The following SLC22A15 variants were observed in gnomAD, a reference collection of about 807,000 sequenced individuals.
SLC22A15 encodes solute carrier family 22 member 15.
Under a neutral mutation model 62.7 loss-of-function variants are expected in SLC22A15, and 45 were observed. The observed-to-expected ratio is 0.72, with a 90% CI of 0.56 to 0.92. The LOEUF (loss-of-function observed/expected upper bound fraction) is 0.92, where lower values mean the gene tolerates loss of function less well. Ranked by LOEUF, SLC22A15 falls within the 40% of genes least tolerant of loss-of-function variation. The pLI, the probability that SLC22A15 is intolerant of heterozygous loss-of-function variation, is 0.00. For missense variants in SLC22A15, 622 were observed against 665.6 expected (o/e 0.93, Z 0.72); for synonymous variants, 264 against 267.0 (o/e 0.99, Z 0.11).
intron 3 of SLC22A15, among the ~76,000 whole-genome samples, chr1:116,020,241 G>A (rs1656749100): frequency 7.1e-6 from 1 of 140,172 alleles, no homozygotes; most frequent in Non-Finnish European, 1.6e-5. Context: ...TCCAAGAGAA[G>A]CTGTTAAAAA....
At chr1:116,019,948 C>T (rs1331155216) in intron 3 of SLC22A15, among the ~76,000 whole-genome samples, 1 of 152,150 alleles carries the variant, frequency 6.6e-6, no homozygotes, top group Non-Finnish European at 1.5e-5. Context: ...CTAAACCGTT[C>T]ATAGGTGATG....
At chr1:116,020,663 T>A (rs1656781515) in intron 3 of SLC22A15, 58 bp from the exon 4 acceptor site, 2 of 1,337,728 alleles carry the variant, frequency 1.5e-6, no homozygotes, top group Non-Finnish European at 2.1e-6. Flanking sequence ...TATAATTTAT[T>A]ACTTTCATCA....
At chr1:116,046,135 A>T (rs1657924324) in intron 8 of SLC22A15, among the ~76,000 whole-genome samples, 1 of 152,212 alleles carries the variant, frequency 6.6e-6, no homozygotes, top group African/African-American at 2.4e-5. Context: ...AAATGCTAAA[A>T]CTGTGTTGTA....
chr1:116,014,270 C>T (rs1656417926), intron 2 of SLC22A15, among the ~76,000 whole-genome samples: 4 of 152,154 alleles, frequency 2.6e-5, no homozygotes, highest in Admixed American at 2.6e-4. Context: ...ATTTATGTTC[C>T]TTTCATCTTT....
At chr1:116,055,755 G>A (rs1158498451) in intron 8 of SLC22A15, among the ~76,000 whole-genome samples, 4 of 146,072 alleles carry the variant, frequency 2.7e-5, no homozygotes, top group Admixed American at 6.9e-5. Flanking sequence ...TTCAATATAG[G>A]CAAATCAATA....
chr1:116,020,101 T>TG (rs1487058974), intron 3 of SLC22A15, among the ~76,000 whole-genome samples: 2 of 152,326 alleles, frequency 1.3e-5, no homozygotes, highest in African/African-American at 4.8e-5. Flanking sequence ...CTTGGCATAG[T>TG]GCTCTTGACA....
At chr1:115,984,457 CT>C (rs1172061604) in intron 1 of SLC22A15, among the ~76,000 whole-genome samples, 1 of 152,142 alleles carries the variant, frequency 6.6e-6, no homozygotes, top group African/African-American at 2.4e-5. Context: ...GTATTTACAG[CT>C]TTGGATATAC....
chr1:116,009,695 C>T (rs1290915638), intron 2 of SLC22A15, among the ~76,000 whole-genome samples: 1 of 152,202 alleles, frequency 6.6e-6, no homozygotes, highest in Non-Finnish European at 1.5e-5. Context: ...TCACTTGCTC[C>T]TGCAAATCTC....
chr1:116,032,335 A>G lies in SLC22A15; in HGVS notation c.944+754A>G, dbSNP rs991551142. ...TTGTGGATTGCACATGTGTTTTGATATTGTACATACTGCTAATGTGCCATA... is the reference window on the plus strand; with the variant it reads ...TTGTGGATTGCACATGTGTTTTGATGTTGTACATACTGCTAATGTGCCATA... On this transcript the variant is annotated intron_variant, in intron 6 of 11. Transcript: ENST00000369503. 7 of 985,414 alleles carry G rather than the reference A, an allele frequency of 7.1e-6. No individual in the cohort carries two copies. The East Asian group carries it at 4.5e-4, about 64-fold the overall frequency. 61.0% of individuals were successfully genotyped at this position (985,414 alleles called of 1,614,324 possible). A position where few individuals can be genotyped will look rare whatever the true frequency, so the allele number is the denominator to read the frequency against.
intron 5 of SLC22A15, among the ~76,000 whole-genome samples, chr1:116,030,523 A>G (rs1657339974): frequency 6.6e-6 from 1 of 152,216 alleles, no homozygotes; most frequent in African/African-American, 2.4e-5. Flanking sequence ...GTCTTTGGAA[A>G]GTCCTCTGAA....
At chr1:116,050,317 T>C (rs1658017316) in intron 8 of SLC22A15, among the ~76,000 whole-genome samples, 1 of 152,142 alleles carries the variant, frequency 6.6e-6, no homozygotes, top group South Asian at 2.1e-4. Flanking sequence ...ACTGATATCC[T>C]TGATGAACAT....
chr1:116,064,599 C>A, intron 10 of SLC22A15, 91 bp downstream of exon 10: 1 of 837,946 alleles, frequency 1.2e-6, no homozygotes, highest in South Asian at 1.4e-5. Flanking sequence ...GAACAGATGT[C>A]ATTTAAGATC....
At chr1:116,057,775 G>C (rs1160900081) in intron 8 of SLC22A15, among the ~76,000 whole-genome samples, 2 of 152,120 alleles carry the variant, frequency 1.3e-5, no homozygotes, top group African/African-American at 4.8e-5. Flanking sequence ...GGTGAAATTG[G>C]AAATCATCAT....
intron 2 of SLC22A15, among the ~76,000 whole-genome samples, chr1:115,999,432 T>G (rs1655598354): frequency 6.6e-6 from 1 of 151,766 alleles, no homozygotes; most frequent in South Asian, 2.1e-4. Flanking sequence ...TTTATCTCTC[T>G]TTTTAGTCCT....
In SLC22A15 at chr1:116,070,045, A is replaced by G. The variant is rs891257754; in HGVS notation, c.*2937A>G. 3.9e-5 allele frequency: 6 copies of G among 152,318 alleles called. No homozygotes were observed. Among genetic ancestry groups the G allele is most frequent in the African/African-American group, 1.4e-4 (6 of 41,586 alleles). The allele number at this position is 152,318 out of a possible 1,614,324, so 9.4% of individuals were successfully genotyped here. ...CTTCTTGTGAATGTAATAAAGAATC[A>G]TAAAACATAGACCTTTTTTTTGTTC... On this transcript the variant is annotated 3_prime_UTR_variant, in exon 12 of 12. Coordinates refer to ENST00000369503, the MANE Select transcript of SLC22A15 (RefSeq NM_018420.3).
Position 116,028,491 on chromosome 1 carries a change from C to T in SLC22A15, c.728+1469C>T, listed in dbSNP as rs546960162. Among the ~76,000 whole-genome samples, 180 of 148,340 alleles carry T rather than the reference C, an allele frequency of 1.2e-3. 1 individual carries two copies. The highest frequency in any genetic ancestry group is 4.2e-3 in the African/African-American group (170 of 40,270). ...CTCCCCGTTAATAGTATAATAGTAGCACCACTTCACTGGATGATCTGAGCT... is the reference window on the plus strand; with the variant it reads ...CTCCCCGTTAATAGTATAATAGTAGTACCACTTCACTGGATGATCTGAGCT... On this transcript the variant is annotated intron_variant, in intron 5 of 11. Coordinates refer to ENST00000369503, the MANE Select transcript of SLC22A15 (RefSeq NM_018420.3).
intron 8 of SLC22A15, among the ~76,000 whole-genome samples, chr1:116,041,939 G>GGTTTGTTTGTTT (rs371828342): frequency 1.6e-4 from 24 of 151,742 alleles, no homozygotes; most frequent in African/African-American, 5.8e-4. Flanking sequence ...GGAAAACCCT[G>GGTTTGTTTGTTT]GTTTGTTTGT....
chr1:116,062,940 G>C (rs1658418022), intron 9 of SLC22A15, 58 bp downstream of exon 9: 1 of 1,593,154 alleles, frequency 6.3e-7, no homozygotes, highest in Non-Finnish European at 8.6e-7. Flanking sequence ...ATCCATTCTT[G>C]CACCAACAGA....
chr1:116,036,245 C>T (rs1170441619), intron 7 of SLC22A15, among the ~76,000 whole-genome samples: 1 of 152,134 alleles, frequency 6.6e-6, no homozygotes, highest in Non-Finnish European at 1.5e-5. Context: ...AGATGCCTTT[C>T]CTCTGTGCTG....
Sources: gnomAD v4.1 joint callset for allele counts (sites outside exome capture counted in the v4.1 genomes callset) on GRCh38, gnomAD v4.1.1 for gene constraint, MANE v1.5 for transcripts, NCBI Gene and HGNC (gene_info 2026-07-23, HGNC 2026-07-21) for gene names.